NOG: variants seen among roughly 807,000 people sequenced by gnomAD.
The protein encoded by NOG is symphalangism 1 (proximal).
Under a neutral mutation model 17.9 loss-of-function variants are expected in NOG, and 2 were observed. That is an observed-to-expected ratio of 0.11 (90% CI 0.05 to 0.35). The LOEUF (loss-of-function observed/expected upper bound fraction) is 0.35. Ranked by LOEUF, NOG falls within the 10% of genes least tolerant of loss-of-function variation. The pLI is 1.00. For synonymous variants in NOG, 166 were observed against 148.7 expected (o/e 1.12, Z -0.85); for missense variants, 266 against 318.6 (o/e 0.83, Z 1.26).
Position 56,594,672 on chromosome 17 carries a change from G to C in NOG, c.449G>C (p.Trp150Ser). 6.2e-7 allele frequency: 1 copy of C among 1,613,946 alleles called. No individual in the cohort carries two copies. The highest frequency in any genetic ancestry group is 8.5e-7 in the Non-Finnish European group (1 of 1,179,954). Reference sequence around the variant, plus strand: ...CGGAGGAAGTTACAGATGTGGCTGTGGTCGCAGACATTCTGCCCCGTGCTG... The same window carrying C: ...CGGAGGAAGTTACAGATGTGGCTGTCGTCGCAGACATTCTGCCCCGTGCTG... ...KLRRKLQMWLWSQTFCPVLYA... is the reference protein window; with the variant it reads ...KLRRKLQMWLSSQTFCPVLYA... The change falls in exon 1 of 1, where the codon TGG (tryptophan) becomes TCG (serine). Residue 150 changes from tryptophan (W) to serine (S), a missense_variant. Trp to Ser is a radical substitution (Grantham distance 177, BLOSUM62 -3). Transcript: ENST00000332822.
Position 56,594,916 on chromosome 17 carries a change from G to T in NOG, c.693G>T (p.Ser231=). Reference sequence around the variant, plus strand: ...CCATCATTTCCGAGTGCAAGTGCTCGTGCTAGAACTCGGGGGCCCCCTGCC... The same window carrying T: ...CCATCATTTCCGAGTGCAAGTGCTCTTGCTAGAACTCGGGGGCCCCCTGCC... ...QYPIISECKC[S]C The change falls in exon 1 of 1, where the codon TCG becomes TCT. Residue 231 remains serine, a synonymous_variant. Transcript: ENST00000332822. 2 of 1,574,386 alleles carry T rather than the reference G, an allele frequency of 1.3e-6. No homozygotes were observed.
At position 56,594,325 on chromosome 17, in the gene NOG, C is replaced by T. The variant is rs1192327985; in HGVS notation, c.102C>T (p.Arg34=). The part of the protein sequence containing the change: ...PAGGQHYLHI[R]PAPSDNLPLV... The stretch of plus-strand genomic sequence containing the variant: ...GCGGCCAGCACTATCTCCACATCCG[C>T]CCGGCACCCAGCGACAACCTGCCCC... The change falls in exon 1 of 1, where the codon CGC becomes CGT. Residue 34 remains arginine, a synonymous_variant. Coordinates refer to ENST00000332822, the MANE Select transcript of NOG (RefSeq NM_005450.6). 2.5e-6 allele frequency: 4 copies of T among 1,613,184 alleles called. No individual in the cohort carries two copies. Among genetic ancestry groups the T allele is most frequent in the Non-Finnish European group, 3.4e-6 (4 of 1,179,810 alleles).
At position 56,594,505 on chromosome 17, in the gene NOG, A is replaced by G; in HGVS notation, c.282A>G (p.Ala94=). ...ACCGGCCCGGCGGGGGCGGGGGTGC[A>G]GCTGGGGGCGCGGAGGACCTGGCGG... is the stretch of plus-strand genomic sequence containing the variant. ...PEDRPGGGGG[A]AGGAEDLAEL... The change falls in exon 1 of 1, where the codon GCA becomes GCG. Residue 94 remains alanine (A), a synonymous_variant. Transcript: ENST00000332822. 3.1e-6 allele frequency: 5 copies of G among 1,607,844 alleles called. 1 individual carries two copies. The South Asian group carries it at 5.5e-5, about 18-fold the overall frequency.
In NOG at chr17:56,595,141, C is replaced by T. The variant is rs1271939021; in HGVS notation, c.*219C>T. ...ATGTATATGTGTGTGTATATACGGT[C>T]CCAGTTTTAATTTACTTATTAAAAG... is the stretch of plus-strand genomic sequence containing the variant. On this transcript the variant is annotated 3_prime_UTR_variant, in exon 1 of 1. Coordinates refer to ENST00000332822, the MANE Select transcript of NOG (RefSeq NM_005450.6). 14 of 432,942 alleles carry T rather than the reference C, an allele frequency of 3.2e-5. No individual in the cohort carries two copies. In the South Asian group the frequency reaches 7.7e-4, roughly 24 times the overall value. The allele number at this position is 432,942 out of a possible 1,614,324, so 26.8% of individuals were successfully genotyped here. A position where few individuals can be genotyped will look rare whatever the true frequency, so the allele number is the denominator to read the frequency against.
chr17:56,594,660 A>G lies in NOG; in HGVS notation c.437A>G (p.Gln146Arg). ...AGCAAGAAGCTGCGGAGGAAGTTAC[A>G]GATGTGGCTGTGGTCGCAGACATTC... ...RLSKKLRRKL[Q>R]MWLWSQTFCP... Residue 146 changes from glutamine to arginine, a missense_variant, in exon 1 of 1, where the codon CAG (glutamine) becomes CGG (arginine). Transcript: ENST00000332822. 6.2e-7 allele frequency: 1 copy of G among 1,614,064 alleles called. No individual in the cohort carries two copies. Among genetic ancestry groups the G allele is most frequent in the Non-Finnish European group, 8.5e-7 (1 of 1,179,954 alleles).
rs758063548 is a variant in NOG, at chr17:56,594,393, A to G, written c.170A>G (p.Lys57Arg). The G allele has an allele frequency of 1.3e-5, 21 of 1,613,198 alleles. No homozygotes were observed. Among genetic ancestry groups the G allele is most frequent in the Admixed American group, 8.3e-5 (5 of 60,006 alleles). Residue 57 changes from lysine (K) to arginine (R), a missense_variant, in exon 1 of 1, where the codon AAG becomes AGG. Lys to Arg is a conservative substitution (Grantham distance 26, BLOSUM62 2). This residue lies in a region of NOG where 192 missense variants were observed against 197.6 expected (regional missense o/e 0.97). Coordinates refer to ENST00000332822, the MANE Select transcript of NOG (RefSeq NM_005450.6). ...IEHPDPIFDP[K>R]EKDLNETLLR... is the part of the protein sequence containing the mutation. ...CACCCAGACCCTATCTTTGACCCCA[A>G]GGAAAAGGATCTGAACGAGACGCTG...
Position 56,595,428 on chromosome 17 carries a change from T to C in NOG, c.*506T>C, listed in dbSNP as rs1290473800. On this transcript the variant is annotated 3_prime_UTR_variant, in exon 1 of 1. Transcript: ENST00000332822. ...TCCATTCTTCGGAAAGTGTTTTGGT[T>C]TTCCTTGGACCTCGAAGAAGCTATA... 1.2e-5 allele frequency: 2 copies of C among 167,296 alleles called. No homozygotes were observed. The highest frequency in any genetic ancestry group is 2.4e-5 in the African/African-American group (1 of 41,460). 10.4% of individuals were successfully genotyped at this position (167,296 alleles called of 1,614,324 possible). A position where few individuals can be genotyped will look rare whatever the true frequency, so the allele number is the denominator to read the frequency against.
At position 56,595,210 on chromosome 17, in the gene NOG, T is replaced by TA. The variant is rs892742526; in HGVS notation, c.*296dup. On this transcript the variant is annotated 3_prime_UTR_variant, in exon 1 of 1. Transcript: ENST00000332822. ...AAGTTACCGGCTTCTACTGTATTTT[T>TA]AAAAAAAAGTAAGCAAAAGAAAAAA... is the stretch of plus-strand genomic sequence containing the variant. 44 of 270,388 alleles carry TA rather than the reference T, an allele frequency of 1.6e-4. No homozygotes were observed. Among genetic ancestry groups the TA allele is most frequent in the East Asian group, 1.2e-3 (17 of 14,588 alleles). The allele number at this position is 270,388 out of a possible 1,614,324, so 16.7% of individuals were successfully genotyped here. A position where few individuals can be genotyped will look rare whatever the true frequency, so the allele number is the denominator to read the frequency against.
In NOG at chr17:56,594,064, G is replaced by A. The variant is rs941863564; in HGVS notation, c.-160G>A. On this transcript the variant is annotated 5_prime_UTR_variant, in exon 1 of 1. Coordinates refer to ENST00000332822, the MANE Select transcript of NOG (RefSeq NM_005450.6). Reference sequence around the variant, plus strand: ...GCCCCGGTGGGAGCCGGCGCTGCGCGAAGGGCTCTCCCGGCGGCTCATGCT... The same window carrying A: ...GCCCCGGTGGGAGCCGGCGCTGCGCAAAGGGCTCTCCCGGCGGCTCATGCT... 5.8e-6 allele frequency: 3 copies of A among 519,492 alleles called. No homozygotes were observed. In the East Asian group the frequency reaches 1.1e-4, roughly 18 times the overall value. 32.2% of individuals were successfully genotyped at this position (519,492 alleles called of 1,614,324 possible).
At position 56,594,383 on chromosome 17, in the gene NOG, T is replaced by C; in HGVS notation, c.160T>C (p.Phe54Leu). The stretch of plus-strand genomic sequence containing the variant: ...CCTCATCGAACACCCAGACCCTATC[T>C]TTGACCCCAAGGAAAAGGATCTGAA... The part of the protein sequence containing the change: ...VDLIEHPDPI[F>L]DPKEKDLNET... The change falls in exon 1 of 1, where the codon TTT (phenylalanine) becomes CTT (leucine). Residue 54 changes from phenylalanine (F) to leucine (L), a missense_variant. Coordinates refer to ENST00000332822, the MANE Select transcript of NOG (RefSeq NM_005450.6). 1 of 1,613,296 alleles carries C rather than the reference T, an allele frequency of 6.2e-7. No individual in the cohort carries two copies. Among genetic ancestry groups the C allele is most frequent in the South Asian group, 1.1e-5 (1 of 91,086 alleles).
rs1369433571 is a variant in NOG, at chr17:56,593,737, C to CGCCGCT, written c.-485_-480dup. ...CGTGCGCGGACGCCGCCGCCGCCGC[C>CGCCGCT]GCCGCTGGAGTCCGCCGGGCAGAGC... is the stretch of plus-strand genomic sequence containing the variant. On this transcript the variant is annotated 5_prime_UTR_variant, in exon 1 of 1. Coordinates refer to ENST00000332822, the MANE Select transcript of NOG (RefSeq NM_005450.6). The CGCCGCT allele has an allele frequency of 2.2e-4, 39 of 180,378 alleles. 1 individual carries two copies. Among genetic ancestry groups the CGCCGCT allele is most frequent in the Non-Finnish European group, 5.6e-5 (5 of 88,612 alleles). The allele number at this position is 180,378 out of a possible 1,614,324, so 11.2% of individuals were successfully genotyped here. A position where few individuals can be genotyped will look rare whatever the true frequency, so the allele number is the denominator to read the frequency against.
chr17:56,594,076 C>G lies in NOG; in HGVS notation c.-148C>G, dbSNP rs981814280. ...GCCGGCGCTGCGCGAAGGGCTCTCC[C>G]GGCGGCTCATGCTGCCGGCCCTGCG... On this transcript the variant is annotated 5_prime_UTR_variant, in exon 1 of 1. Coordinates refer to ENST00000332822, the MANE Select transcript of NOG (RefSeq NM_005450.6). The G allele has an allele frequency of 8.2e-5, 46 of 561,566 alleles. No individual in the cohort carries two copies. The highest frequency in any genetic ancestry group is 1.2e-4 in the Non-Finnish European group (42 of 343,844). The allele number at this position is 561,566 out of a possible 1,614,324, so 34.8% of individuals were successfully genotyped here. A position where few individuals can be genotyped will look rare whatever the true frequency, so the allele number is the denominator to read the frequency against.
In NOG at chr17:56,594,378, C is replaced by G; in HGVS notation, c.155C>G (p.Pro52Arg). 2.5e-6 allele frequency: 4 copies of G among 1,613,406 alleles called. No individual in the cohort carries two copies. Among genetic ancestry groups the G allele is most frequent in the Non-Finnish European group, 3.4e-6 (4 of 1,179,814 alleles). Residue 52 changes from proline (P) to arginine (R), a missense_variant, in exon 1 of 1, where the codon CCT (proline) becomes CGT (arginine). Around this residue, in one of 2 missense-constraint regions of NOG, gnomAD observed 192 missense variants for 197.6 expected, o/e 0.97. Coordinates refer to ENST00000332822, the MANE Select transcript of NOG (RefSeq NM_005450.6). Reference sequence around the variant, plus strand: ...GTGGACCTCATCGAACACCCAGACCCTATCTTTGACCCCAAGGAAAAGGAT... The same window carrying G: ...GTGGACCTCATCGAACACCCAGACCGTATCTTTGACCCCAAGGAAAAGGAT... The part of the protein sequence containing the change: ...PLVDLIEHPD[P>R]IFDPKEKDLN...
rs774298541 is a variant in NOG at position 56,594,528 on chromosome 17, C to G, written c.305C>G (p.Ala102Gly). 3 of 1,601,218 alleles carry G rather than the reference C, an allele frequency of 1.9e-6. No homozygotes were observed. The Admixed American group carries it at 5.1e-5, about 27-fold the overall frequency. ...GGAAGGAEDL[A>G]ELDQLLRQRP... Reference sequence around the variant, plus strand: ...GCAGCTGGGGGCGCGGAGGACCTGGCGGAGCTGGACCAGCTGCTGCGGCAG... The same window carrying G: ...GCAGCTGGGGGCGCGGAGGACCTGGGGGAGCTGGACCAGCTGCTGCGGCAG... Residue 102 changes from alanine (A) to glycine (G), a missense_variant, in exon 1 of 1, where the codon GCG (alanine) becomes GGG (glycine). Physicochemically the swap from Ala to Gly is moderately conservative, Grantham distance 60. Coordinates refer to ENST00000332822, the MANE Select transcript of NOG (RefSeq NM_005450.6).
In NOG at chr17:56,594,398, A is replaced by G; in HGVS notation, c.175A>G (p.Lys59Glu). 1 of 1,613,306 alleles carries G rather than the reference A, an allele frequency of 6.2e-7. No homozygotes were observed. The highest frequency in any genetic ancestry group is 2.2e-5 in the East Asian group (1 of 44,848). The change falls in exon 1 of 1, where the codon AAG becomes GAG. Residue 59 changes from lysine (K) to glutamate (E), a missense_variant. Transcript: ENST00000332822. Reference protein sequence around the residue: ...HPDPIFDPKEKDLNETLLRSL... With the variant: ...HPDPIFDPKEEDLNETLLRSL... The stretch of plus-strand genomic sequence containing the variant: ...AGACCCTATCTTTGACCCCAAGGAA[A>G]AGGATCTGAACGAGACGCTGCTGCG...
Position 56,594,879 on chromosome 17 carries a change from C to G in NOG, c.656C>G (p.Pro219Arg). Residue 219 changes from proline (P) to arginine (R), a missense_variant, in exon 1 of 1, where the codon CCC becomes CGC. By Grantham distance (103) the Pro-to-Arg change is moderately radical (BLOSUM62 -2). Coordinates refer to ENST00000332822, the MANE Select transcript of NOG (RefSeq NM_005450.6). Reference sequence around the variant, plus strand: ...GGGGGCCAGCGCTGCGGCTGGATTCCCATCCAGTACCCCATCATTTCCGAG... The same window carrying G: ...GGGGGCCAGCGCTGCGGCTGGATTCGCATCCAGTACCCCATCATTTCCGAG... ...RRGGQRCGWI[P>R]IQYPIISECK... 1 of 1,600,808 alleles carries G rather than the reference C, an allele frequency of 6.2e-7. No individual in the cohort carries two copies. Among genetic ancestry groups the G allele is most frequent in the African/African-American group, 1.3e-5 (1 of 74,756 alleles).
rs1467560248 is a variant in NOG at position 56,594,445 on chromosome 17, C to T, written c.222C>T (p.Tyr74=). 2 of 1,612,860 alleles carry T rather than the reference C, an allele frequency of 1.2e-6. No homozygotes were observed. Among genetic ancestry groups the T allele is most frequent in the East Asian group, 4.5e-5 (2 of 44,832 alleles). Residue 74 remains tyrosine, a synonymous_variant, in exon 1 of 1, where the codon TAC becomes TAT. Coordinates refer to ENST00000332822, the MANE Select transcript of NOG (RefSeq NM_005450.6). ...TLLRSLLGGH[Y]DPGFMATSPP... is the part of the protein sequence containing the mutation. ...TGCGCTCGCTGCTCGGGGGCCACTACGACCCAGGCTTCATGGCCACCTCGC... is the reference window on the plus strand; with the variant it reads ...TGCGCTCGCTGCTCGGGGGCCACTATGACCCAGGCTTCATGGCCACCTCGC...
Position 56,594,124 on chromosome 17 carries a change from G to C in NOG, c.-100G>C. The C allele has an allele frequency of 6.5e-6, 7 of 1,069,402 alleles. No homozygotes were observed. The highest frequency in any genetic ancestry group is 9.0e-6 in the Non-Finnish European group (7 of 777,680). 66.2% of individuals were successfully genotyped at this position (1,069,402 alleles called of 1,614,324 possible). A position where few individuals can be genotyped will look rare whatever the true frequency, so the allele number is the denominator to read the frequency against. On this transcript the variant is annotated 5_prime_UTR_variant, in exon 1 of 1. Transcript: ENST00000332822. ...GCGCCTGCCCAGCCTCGGGTGAGCC[G>C]CCTCCGGAGAGACGGGGGAGCGCGG...
At position 56,595,072 on chromosome 17, in the gene NOG, C is replaced by T; in HGVS notation, c.*150C>T. ...TTTTTTTTTTTCTGGGCTACAGAGACCTAGCTTTCTGGTTCCTGTAATGCA... is the reference window on the plus strand; with the variant it reads ...TTTTTTTTTTTCTGGGCTACAGAGATCTAGCTTTCTGGTTCCTGTAATGCA... On this transcript the variant is annotated 3_prime_UTR_variant, in exon 1 of 1. Coordinates refer to ENST00000332822, the MANE Select transcript of NOG (RefSeq NM_005450.6). 1.3e-5 allele frequency: 8 copies of T among 607,824 alleles called. No individual in the cohort carries two copies. In the East Asian group the frequency reaches 2.2e-4, roughly 17 times the overall value. 37.7% of individuals were successfully genotyped at this position (607,824 alleles called of 1,614,324 possible).
Sources: gnomAD v4.1 joint callset for allele counts on GRCh38, gnomAD v4.1.1 for gene constraint, gnomAD v4.1.1 regional missense constraint, MANE v1.5 for transcripts, NCBI Gene and HGNC (gene_info 2026-07-23, HGNC 2026-07-21) for gene names.